The following RASSF4 variants were observed in gnomAD, a reference collection of about 807,000 sequenced individuals.
RASSF4 encodes Ras association domain family member 4.
In RASSF4, 38 loss-of-function variants were observed where a neutral mutation model predicts 41.1. The observed-to-expected ratio is 0.92, with a 90% CI of 0.71 to 1.21. The LOEUF (loss-of-function observed/expected upper bound fraction) is 1.21, where lower values mean the gene tolerates loss of function less well. Among genes scored for constraint, RASSF4 ranks in the 50% most tolerant of loss-of-function variants. The probability of loss-of-function intolerance (pLI) is 0.00; values close to 1 mark genes in which losing one functional copy is unlikely to be tolerated. For synonymous variants in RASSF4, 179 were observed against 163.4 expected (o/e 1.10, Z -0.73); for missense variants, 414 against 419.4 (o/e 0.99, Z 0.11).
intron 1 of RASSF4, 96 bp from the exon 2 acceptor site, chr10:44,970,069 C>T: frequency 1.3e-6 from 1 of 749,634 alleles, no homozygotes; most frequent in South Asian, 1.6e-5. Context: ...GATGCCAAGG[C>T]CGACGGTGTC....
intron 1 of RASSF4, among the ~76,000 whole-genome samples, chr10:44,962,936 T>C (rs913982838): frequency 1.3e-5 from 2 of 152,206 alleles, no homozygotes; most frequent in Non-Finnish European, 2.9e-5. Context: ...TCTACATGGC[T>C]GCTCAGGGCC....
chr10:44,984,126 C>T lies in RASSF4; in HGVS notation c.373+13C>T, dbSNP rs758035693. 1.6e-5 allele frequency: 26 copies of T among 1,582,752 alleles called. No homozygotes were observed. The East Asian group carries it at 3.5e-4, about 21-fold the overall frequency. On this transcript the variant is annotated intron_variant, in intron 5 of 10. Transcript: ENST00000340258. ...ACAGACAGCTCGGGTAAGCGGAGCC[C>T]GCAAGCTGCCCAGACCCCTGCCTCA...
At chr10:44,991,247 G>T in intron 9 of RASSF4, 178 bp downstream of exon 9, 1 of 485,524 alleles carries the variant, frequency 2.1e-6, no homozygotes, top group Non-Finnish European at 3.5e-6. Context: ...TCCCATCAGT[G>T]ACCGCCAGCA....
chr10:44,987,545 G>A (rs1202119743), intron 6 of RASSF4, among the ~76,000 whole-genome samples: 4 of 150,750 alleles, frequency 2.7e-5, no homozygotes, highest in African/African-American at 9.8e-5. Flanking sequence ...TCATTTTATT[G>A]TGCTTCTTGT....
chr10:44,991,328 A>C (rs1020807182), intron 9 of RASSF4: 3 of 369,470 alleles, frequency 8.1e-6, no homozygotes, highest in African/African-American at 6.1e-5. Flanking sequence ...CTAGGGAAGT[A>C]AAGTCTTTTC....
Position 44,982,313 on chromosome 10 carries a change from A to G in RASSF4, c.139-208A>G, listed in dbSNP as rs529239616. The G allele has an allele frequency of 6.9e-5, 46 of 670,886 alleles. No individual in the cohort carries two copies. In the East Asian group the frequency reaches 9.6e-4, roughly 14 times the overall value. The allele number at this position is 670,886 out of a possible 1,614,324, so 41.6% of individuals were successfully genotyped here. On this transcript the variant is annotated intron_variant, in intron 3 of 10. Coordinates refer to ENST00000340258, the MANE Select transcript of RASSF4 (RefSeq NM_032023.4). ...TTCTGCGCTGTGCCCCTGGCCAGGC[A>G]TGAGCTGAGCACATCTCAGGCTCCC...
chr10:44,980,660 C>T (rs945624711), intron 3 of RASSF4, among the ~76,000 whole-genome samples: 2 of 152,250 alleles, frequency 1.3e-5, no homozygotes, highest in African/African-American at 4.8e-5. Context: ...CTCCAAGAAG[C>T]TCCATTGCAT....
Position 44,984,829 on chromosome 10 carries a change from A to G in RASSF4, c.390A>G (p.Ala130=), listed in dbSNP as rs1379931203. 6.2e-7 allele frequency: 1 copy of G among 1,613,642 alleles called. No homozygotes were observed. Among genetic ancestry groups the G allele is most frequent in the Non-Finnish European group, 8.5e-7 (1 of 1,179,972 alleles). ...CTCATGCAGGGCCCCTGGAGGAGGC[A>G]GAGGAGGCCCCCCAGCTGATGCGGA... ...STDSSGPLEE[A]EEAPQLMRTK... Residue 130 remains alanine (A), a synonymous_variant, in exon 6 of 11, where the codon GCA becomes GCG. Coordinates refer to ENST00000340258, the MANE Select transcript of RASSF4 (RefSeq NM_032023.4).
Position 44,993,276 on chromosome 10 carries a change from GC to G in RASSF4, c.916del (p.Leu306CysfsTer3). The G allele has an allele frequency of 6.2e-7, 1 of 1,609,670 alleles. No homozygotes were observed. On this transcript the variant is annotated frameshift_variant, in exon 11 of 11. Transcript: ENST00000340258. LOFTEE classifies it high-confidence loss of function. ...GGCGATGTCTCCCTCCAGGTTCCAA[GC>G]CCTGCGTCTGACGATGCTGCAGCGC... Reference protein sequence around the residue: ...EIIKLTMKFQALRLTMLQRLE... With the variant: ...EIIKLTMKFQXLRLTMLQRLE...
At chr10:44,970,328 C>A in intron 2 of RASSF4, 64 bp downstream of exon 2, 2 of 1,394,592 alleles carry the variant, frequency 1.4e-6, no homozygotes, top group South Asian at 2.3e-5. Flanking sequence ...TCATCCTGGG[C>A]AGCCTTTAGG....
At chr10:44,974,021 C>A (rs1841292041) in intron 3 of RASSF4, among the ~76,000 whole-genome samples, 1 of 152,126 alleles carries the variant, frequency 6.6e-6, no homozygotes. Context: ...CCGGTACCGG[C>A]CTGAAGAAGT....
intron 3 of RASSF4, among the ~76,000 whole-genome samples, chr10:44,972,599 A>G (rs1184627292): frequency 3.3e-5 from 5 of 152,210 alleles, no homozygotes; most frequent in Non-Finnish European, 1.5e-5. Flanking sequence ...GGCTTGGGGG[A>G]CCACCCACTG....
At position 44,965,937 on chromosome 10, in the gene RASSF4, G is replaced by A. The variant is rs1025041946; in HGVS notation, c.-38-4228G>A. ...GGTTGTGTCCTATAAATAAGCAGGC[G>A]TGCAGGGGAAAAGCACTCCTGAAGG... On this transcript the variant is annotated intron_variant, in intron 1 of 10. Transcript: ENST00000340258. 2.6e-5 allele frequency among the ~76,000 whole-genome samples: 4 copies of A among 152,188 alleles called. No homozygotes were observed. In the East Asian group the frequency reaches 5.8e-4, roughly 22 times the overall value.
intron 7 of RASSF4, 85 bp from the exon 8 acceptor site, chr10:44,989,585 G>A (rs985114731): frequency 8.2e-7 from 1 of 1,225,324 alleles, no homozygotes. Flanking sequence ...TGTGTTACTG[G>A]GGGTGTAGTT....
At chr10:44,977,563 C>T in intron 3 of RASSF4, 1 of 1,613,514 alleles carries the variant, frequency 6.2e-7, no homozygotes, top group Non-Finnish European at 8.5e-7. Context: ...GCCCAGGCAT[C>T]CTGGCTTCAC....
At position 44,984,617 on chromosome 10, in the gene RASSF4, G is replaced by C. The variant is rs939158465; in HGVS notation, c.374-196G>C. On this transcript the variant is annotated intron_variant, in intron 5 of 10. Coordinates refer to ENST00000340258, the MANE Select transcript of RASSF4 (RefSeq NM_032023.4). ...TATGGCCATGTGACATTGTGACCCA[G>C]GTTACCCTGTCTGGGTCTCACCTTC... 23 of 643,556 alleles carry C rather than the reference G, an allele frequency of 3.6e-5. No individual in the cohort carries two copies. The African/African-American group carries it at 3.8e-4, about 11-fold the overall frequency. The allele number at this position is 643,556 out of a possible 1,614,324, so 39.9% of individuals were successfully genotyped here.
chr10:44,970,032 C>G lies in RASSF4; in HGVS notation c.-38-133C>G, dbSNP rs368675644. 19 of 639,980 alleles carry G rather than the reference C, an allele frequency of 3.0e-5. No homozygotes were observed. In the African/African-American group the frequency reaches 3.5e-4, roughly 12 times the overall value. The allele number at this position is 639,980 out of a possible 1,614,324, so 39.6% of individuals were successfully genotyped here. A position where few individuals can be genotyped will look rare whatever the true frequency, so the allele number is the denominator to read the frequency against. On this transcript the variant is annotated intron_variant, in intron 1 of 10. Coordinates refer to ENST00000340258, the MANE Select transcript of RASSF4 (RefSeq NM_032023.4). The stretch of plus-strand genomic sequence containing the variant: ...TGGGTCTGGGCCAGACCCTTTCAGC[C>G]GCAGCCACCTTGTGCCAAGGCGGTG...
At chr10:44,982,871 C>G (rs1216980653) in intron 4 of RASSF4, 1 of 710,648 alleles carries the variant, frequency 1.4e-6, no homozygotes, top group Admixed American at 2.1e-5. Context: ...TTCCAGGCTC[C>G]CATGACCTCT....
chr10:44,992,139 A>G, intron 10 of RASSF4, 137 bp downstream of exon 10: 1 of 610,296 alleles, frequency 1.6e-6, no homozygotes, highest in South Asian at 2.0e-5. Flanking sequence ...TGCTAACCCT[A>G]GCTCCCCAGC....
Sources: gnomAD v4.1 joint callset for allele counts (sites outside exome capture counted in the v4.1 genomes callset) on GRCh38, gnomAD v4.1.1 for gene constraint, MANE v1.5 for transcripts, NCBI Gene and HGNC (gene_info 2026-07-23, HGNC 2026-07-21) for gene names.